Variants in BRINP2 observed in about 807,000 individuals in gnomAD.
BRINP2 encodes BMP/retinoic acid inducible neural specific 2.
A neutral mutation model predicts 69.2 loss-of-function variants in BRINP2; 21 were observed. That is an observed-to-expected ratio of 0.30 (90% confidence interval 0.22 to 0.44). The LOEUF is 0.44. BRINP2 is among the 20% of genes least tolerant of loss of function. BRINP2 has a pLI of 1.00. For synonymous variants in BRINP2, 380 were observed against 394.1 expected, an observed-to-expected ratio of 0.96 and a Z score of 0.42; for missense variants, 877 against 986.0, an observed-to-expected ratio of 0.89 and a Z score of 1.48.
At position 177,243,350 on chromosome 1, in the gene BRINP2, A is replaced by G. The variant is rs1217018386; in HGVS notation, c.270-12569A>G. 2.6e-5 allele frequency among the ~76,000 whole-genome samples: 4 copies of G among 152,334 alleles called. No homozygotes were observed. The East Asian group carries it at 7.7e-4, about 29-fold the overall frequency. ...ATTTTATAGTTGTAGATAGTTCAAA[A>G]TAAATCATTAACAGTGACAGGTATT... is the stretch of plus-strand genomic sequence containing the variant. On this transcript the variant is annotated intron_variant, in intron 2 of 7. Coordinates refer to ENST00000361539, the MANE Select transcript of BRINP2 (RefSeq NM_021165.4).
chr1:177,208,717 T>C (rs1242097661), intron 1 of BRINP2, among the ~76,000 whole-genome samples: 1 of 152,170 alleles, frequency 6.6e-6, no homozygotes, highest in Non-Finnish European at 1.5e-5. Context: ...GTTATCACAG[T>C]AAGTGCTGAA....
chr1:177,258,289 C>T (rs1240817205), intron 4 of BRINP2, among the ~76,000 whole-genome samples: 1 of 152,156 alleles, frequency 6.6e-6, no homozygotes, highest in African/African-American at 2.4e-5. Flanking sequence ...ACTGAAAATA[C>T]TTCAAAGTTG....
chr1:177,270,287 G>A (rs1395915914), intron 4 of BRINP2, among the ~76,000 whole-genome samples: 1 of 152,118 alleles, frequency 6.6e-6, no homozygotes, highest in Admixed American at 6.6e-5. Flanking sequence ...CACTCTGTGG[G>A]TTTTTCACTC....
rs751060757 is a variant in BRINP2, at chr1:177,200,452, G to A, written c.-77+28720G>A. Among the ~76,000 whole-genome samples the A allele has an allele frequency of 5.9e-5, 9 of 151,834 alleles. 1 individual carries two copies. The highest frequency in any genetic ancestry group is 2.0e-4 in the Admixed American group (3 of 15,214). ...CAGAGTCTTGCAAAATCTGCTCATC[G>A]CTGCCCATCTGACCCCATTCCTCCT... On this transcript the variant is annotated intron_variant, in intron 1 of 7. Transcript: ENST00000361539.
At chr1:177,221,421 A>G (rs1308768424) in intron 1 of BRINP2, among the ~76,000 whole-genome samples, 1 of 152,142 alleles carries the variant, frequency 6.6e-6, no homozygotes, top group East Asian at 1.9e-4. Context: ...GTGTTAAGAG[A>G]CCCAAGTTCA....
At chr1:177,273,891 C>T (rs1276562083) in intron 5 of BRINP2, among the ~76,000 whole-genome samples, 1 of 146,758 alleles carries the variant, frequency 6.8e-6, no homozygotes, top group African/African-American at 2.4e-5. Flanking sequence ...AACAGCATAC[C>T]CATCCTTATA....
intron 1 of BRINP2, among the ~76,000 whole-genome samples, chr1:177,184,702 G>C (rs1266176026): frequency 1.3e-5 from 2 of 150,974 alleles, no homozygotes; most frequent in African/African-American, 2.5e-5. Context: ...TGAGCACAGG[G>C]AAGACTTTTA....
At chr1:177,215,659 T>A (rs1649354802) in intron 1 of BRINP2, among the ~76,000 whole-genome samples, 1 of 152,190 alleles carries the variant, frequency 6.6e-6, no homozygotes, top group Admixed American at 6.5e-5. Flanking sequence ...ACTTTTTCTT[T>A]TTTTAAAATG....
At position 177,268,797 on chromosome 1, in the gene BRINP2, T is replaced by G. The variant is rs566813459; in HGVS notation, c.670-4691T>G. 4.1e-4 allele frequency among the ~76,000 whole-genome samples: 63 copies of G among 152,250 alleles called. No homozygotes were observed. In the Middle Eastern group the frequency reaches 0.014, roughly 33 times the overall value. ...TATTGTCTGGCATGTGGCAAGATTT[T>G]TCATAAAATACTTGAGAGGTGAAGG... On this transcript the variant is annotated intron_variant, in intron 4 of 7. Coordinates refer to ENST00000361539, the MANE Select transcript of BRINP2 (RefSeq NM_021165.4).
In BRINP2 at chr1:177,281,169, C is replaced by T. The variant is rs764250922; in HGVS notation, c.1993C>T (p.Pro665Ser). The change falls in exon 8 of 8, where the codon CCC (proline) becomes TCC (serine). Residue 665 changes from proline (P) to serine (S), a missense_variant. Around this residue, in one of 3 missense-constraint regions of BRINP2, gnomAD observed 225 missense variants for 218.7 expected, o/e 1.03. Transcript: ENST00000361539. ...DSSNETIYYE[P>S]LEMTDPSKNL... ...CTCCAATGAGACAATCTACTATGAGCCCCTGGAGATGACTGATCCCTCTAA... is the reference window on the plus strand; with the variant it reads ...CTCCAATGAGACAATCTACTATGAGTCCCTGGAGATGACTGATCCCTCTAA... 3.7e-6 allele frequency: 6 copies of T among 1,614,058 alleles called. No homozygotes were observed. The African/African-American group carries it at 6.7e-5, about 18-fold the overall frequency.
At chr1:177,271,596 T>A (rs1651329661) in intron 4 of BRINP2, among the ~76,000 whole-genome samples, 1 of 152,186 alleles carries the variant, frequency 6.6e-6, no homozygotes, top group Non-Finnish European at 1.5e-5. Flanking sequence ...TAATGAGATT[T>A]GTCCCAGAGA....
chr1:177,204,717 T>C (rs1265282452), intron 1 of BRINP2, among the ~76,000 whole-genome samples: 4 of 152,176 alleles, frequency 2.6e-5, no homozygotes, highest in African/African-American at 7.2e-5. Flanking sequence ...ATGTAAAATA[T>C]AGGAAATTTA....
chr1:177,196,204 G>T (rs1648739045), intron 1 of BRINP2, among the ~76,000 whole-genome samples: 1 of 152,154 alleles, frequency 6.6e-6, no homozygotes, highest in Admixed American at 6.5e-5. Context: ...AACTCAGTTG[G>T]TTCAACCCAG....
rs532850790 is a variant in BRINP2, at chr1:177,201,490, G to A, written c.-76-28311G>A. On this transcript the variant is annotated intron_variant, in intron 1 of 7. Coordinates refer to ENST00000361539, the MANE Select transcript of BRINP2 (RefSeq NM_021165.4). Reference sequence around the variant, plus strand: ...AGATTTTGCCTTGTACTTTTTGTCAGCCTTCATAGTAACAAACACTTTGCT... The same window carrying A: ...AGATTTTGCCTTGTACTTTTTGTCAACCTTCATAGTAACAAACACTTTGCT... Among the ~76,000 whole-genome samples the A allele has an allele frequency of 1.4e-4, 22 of 152,326 alleles. No homozygotes were observed. In the South Asian group the frequency reaches 4.4e-3, roughly 30 times the overall value.
At chr1:177,181,549 G>A (rs1296501529) in intron 1 of BRINP2, among the ~76,000 whole-genome samples, 2 of 152,196 alleles carry the variant, frequency 1.3e-5, no homozygotes, top group Admixed American at 6.5e-5. Flanking sequence ...AAGAGTGTGA[G>A]GTGGGGATGC....
At chr1:177,207,557 G>A (rs1649102724) in intron 1 of BRINP2, among the ~76,000 whole-genome samples, 1 of 152,140 alleles carries the variant, frequency 6.6e-6, no homozygotes, top group African/African-American at 2.4e-5. Flanking sequence ...GCAAATACAT[G>A]CCTCGAATCT....
chr1:177,188,258 G>T (rs963449832), intron 1 of BRINP2, among the ~76,000 whole-genome samples: 1 of 151,984 alleles, frequency 6.6e-6, no homozygotes, highest in Non-Finnish European at 1.5e-5. Context: ...AATATTTATT[G>T]AGCTCTTTCG....
intron 2 of BRINP2, among the ~76,000 whole-genome samples, chr1:177,232,492 C>A (rs1266378488): frequency 6.6e-6 from 1 of 152,136 alleles, no homozygotes; most frequent in Non-Finnish European, 1.5e-5. Context: ...TGATTTGTGA[C>A]CTTTTGGTGG....
intron 1 of BRINP2, among the ~76,000 whole-genome samples, chr1:177,200,293 C>CAAAAAAAAAAAAAAAAAAAAAAAAAAAA (rs35619503): frequency 2.9e-5 from 1 of 34,794 alleles, no homozygotes; most frequent in Non-Finnish European, 5.5e-5. Flanking sequence ...AACTCTGTCT[C>CAAAAAAAAAAAAAAAAAAAAAAAAAAAA]AAAAAAAAAA....
Sources: allele counts gnomAD v4.1 joint callset (sites outside exome capture counted in the v4.1 genomes callset), GRCh38; gene constraint gnomAD v4.1.1; regional missense constraint gnomAD v4.1.1; transcripts MANE v1.5; gene names NCBI Gene and HGNC (gene_info 2026-07-23, HGNC 2026-07-21).